RIPOR3: variants seen among roughly 807,000 people sequenced by gnomAD.
The protein encoded by RIPOR3 is family with sequence similarity 65 member C.
RIPOR3 carries 95 observed loss-of-function variants against 114.3 expected under a neutral mutation model. The observed-to-expected ratio is 0.83, with a 90% CI of 0.70 to 0.99. The LOEUF is 0.99. RIPOR3 is among the 50% of genes least tolerant of loss of function. RIPOR3 has a pLI of 0.00. For missense variants in RIPOR3, 1,252 were observed against 1,266.9 expected, an observed-to-expected ratio of 0.99 and a Z score of 0.18; for synonymous variants, 575 against 543.8, an observed-to-expected ratio of 1.06 and a Z score of -0.80.
intron 1 of RIPOR3, among the ~76,000 whole-genome samples, chr20:50,681,289 TATA>T (rs1481740981): frequency 1.3e-5 from 1 of 77,242 alleles, no homozygotes; most frequent in East Asian, 4.4e-4. Flanking sequence ...AAAAAAAACA[TATA>T]ATGAGGCTTC....
intron 1 of RIPOR3, among the ~76,000 whole-genome samples, chr20:50,637,044 G>A (rs1487169153): frequency 6.6e-6 from 1 of 152,184 alleles, no homozygotes; most frequent in Non-Finnish European, 1.5e-5. Flanking sequence ...AAATAGCCCA[G>A]GAAGAGGAAT....
intron 1 of RIPOR3, among the ~76,000 whole-genome samples, chr20:50,668,201 G>A (rs953960161): frequency 5.3e-5 from 8 of 152,162 alleles, no homozygotes; most frequent in Non-Finnish European, 1.0e-4. Flanking sequence ...CTGTGCACAG[G>A]TGGGGAAACT....
chr20:50,625,825 C>T (rs2084599142), intron 2 of RIPOR3, among the ~76,000 whole-genome samples: 1 of 152,222 alleles, frequency 6.6e-6, no homozygotes, highest in African/African-American at 2.4e-5. Context: ...CTCTATCCTC[C>T]CACCCCCCAG....
chr20:50,591,198 TAAAAC>T (rs1176861591), intron 19 of RIPOR3, among the ~76,000 whole-genome samples: 7 of 152,140 alleles, frequency 4.6e-5, no homozygotes, highest in African/African-American at 1.2e-4. Context: ...TAACAAAAAA[TAAAAC>T]AGGATGCTTG....
intron 1 of RIPOR3, among the ~76,000 whole-genome samples, chr20:50,672,359 G>A (rs2086542959): frequency 6.6e-6 from 1 of 152,156 alleles, no homozygotes; most frequent in African/African-American, 2.4e-5. Flanking sequence ...CCCCTGCTGA[G>A]CTCAGTACTG....
chr20:50,656,016 C>CT (rs1331619269), intron 1 of RIPOR3, among the ~76,000 whole-genome samples: 13 of 148,688 alleles, frequency 8.7e-5, no homozygotes, highest in Middle Eastern at 3.4e-3. Context: ...TTCTTTTTTT[C>CT]TTTTTTTTTG....
At chr20:50,672,414 C>T (rs537104436) in intron 1 of RIPOR3, among the ~76,000 whole-genome samples, 1 of 152,312 alleles carries the variant, frequency 6.6e-6, no homozygotes, top group Non-Finnish European at 1.5e-5. Context: ...TGCCCTCCAC[C>T]CAGCAACCCC....
At chr20:50,632,425 A>G (rs927516710) in intron 1 of RIPOR3, among the ~76,000 whole-genome samples, 1 of 152,180 alleles carries the variant, frequency 6.6e-6, no homozygotes, top group Non-Finnish European at 1.5e-5. Context: ...CTAAGACCCC[A>G]GCTCTGCAGG....
intron 2 of RIPOR3, among the ~76,000 whole-genome samples, chr20:50,622,302 C>T (rs911735184): frequency 4.6e-5 from 7 of 151,958 alleles, no homozygotes; most frequent in African/African-American, 1.7e-4. Context: ...CTGCCTCAGC[C>T]TCCCAAGTAG....
At chr20:50,661,246 A>T (rs984059637) in intron 1 of RIPOR3, among the ~76,000 whole-genome samples, 2 of 151,880 alleles carry the variant, frequency 1.3e-5, no homozygotes, top group African/African-American at 4.8e-5. Flanking sequence ...AAAAAATAAA[A>T]AAAAAAATTG....
At position 50,662,028 on chromosome 20, in the gene RIPOR3, T is replaced by C. The variant is rs16995390; in HGVS notation, c.3+29098A>G. 1,244 of 152,656 alleles carry C rather than the reference T, an allele frequency of 8.1e-3. 19 individuals carry two copies. Among genetic ancestry groups the C allele is most frequent in the African/African-American group, 0.028 (1,161 of 41,506 alleles). 9.5% of individuals were successfully genotyped at this position (152,656 alleles called of 1,614,324 possible). On this transcript the variant is annotated intron_variant, in intron 1 of 21. Transcript: ENST00000327979. ...CTCGAATTTCCCTTCCAGCTGGTTCTGCAATCAGCAGCCCCTCCAGACATC... is the reference window on the plus strand; with the variant it reads ...CTCGAATTTCCCTTCCAGCTGGTTCCGCAATCAGCAGCCCCTCCAGACATC...
intron 14 of RIPOR3, 145 bp downstream of exon 14, chr20:50,597,435 T>G: frequency 6.8e-6 from 8 of 1,177,758 alleles, no homozygotes; most frequent in Admixed American, 2.5e-5. Context: ...GGGGATGGCA[T>G]GGGGAAGGGT....
chr20:50,680,671 A>G (rs563993600), intron 1 of RIPOR3, among the ~76,000 whole-genome samples: 1 of 152,336 alleles, frequency 6.6e-6, no homozygotes, highest in East Asian at 1.9e-4. Flanking sequence ...CTCTTACGCA[A>G]TACAATGGTC....
At chr20:50,611,243 G>A (rs536902735) in intron 4 of RIPOR3, 39 bp from the exon 5 acceptor site, 1 of 1,613,824 alleles carries the variant, frequency 6.2e-7, no homozygotes, top group South Asian at 1.1e-5. Flanking sequence ...AGCTGTCAGA[G>A]TCCCACATGT....
At chr20:50,680,736 C>G (rs1252595303) in intron 1 of RIPOR3, among the ~76,000 whole-genome samples, 1 of 152,222 alleles carries the variant, frequency 6.6e-6, no homozygotes, top group African/African-American at 2.4e-5. Context: ...CACTTGCTTT[C>G]CTGATGCCCA....
At chr20:50,652,697 C>T (rs1297005369) in intron 1 of RIPOR3, among the ~76,000 whole-genome samples, 1 of 151,940 alleles carries the variant, frequency 6.6e-6, no homozygotes, top group Non-Finnish European at 1.5e-5. Context: ...CAGCCTTGAC[C>T]GAAGTCCTGA....
At chr20:50,594,213 T>C (rs1306019875) in intron 17 of RIPOR3, among the ~76,000 whole-genome samples, 1 of 149,820 alleles carries the variant, frequency 6.7e-6, no homozygotes, top group Non-Finnish European at 1.5e-5. Flanking sequence ...GAGGTAGAGG[T>C]TGCAGTGAGC....
intron 13 of RIPOR3, 128 bp downstream of exon 13, chr20:50,601,944 G>T: frequency 1.1e-6 from 1 of 897,718 alleles, no homozygotes; most frequent in Non-Finnish European, 1.6e-6. Flanking sequence ...AGAGAGACAC[G>T]GCCCACCCAG....
chr20:50,681,778 C>T (rs943624333), intron 1 of RIPOR3, among the ~76,000 whole-genome samples: 2 of 152,214 alleles, frequency 1.3e-5, no homozygotes, highest in Non-Finnish European at 2.9e-5. Flanking sequence ...TTGATGTTAT[C>T]AGATCTGTAA....
Sources: allele counts gnomAD v4.1 joint callset (sites outside exome capture counted in the v4.1 genomes callset), GRCh38; gene constraint gnomAD v4.1.1; transcripts MANE v1.5; gene names NCBI Gene and HGNC (gene_info 2026-07-23, HGNC 2026-07-21).